The following FTO variants were observed in gnomAD, a reference collection of about 807,000 sequenced individuals.
The protein encoded by FTO is FTO alpha-ketoglutarate dependent dioxygenase, also known as alpha-ketoglutarate-dependent dioxygenase FTO.
FTO carries 47 observed loss-of-function variants against 63.9 expected under a neutral mutation model. That is an observed-to-expected ratio of 0.74 (90% CI 0.58 to 0.94). The LOEUF (loss-of-function observed/expected upper bound fraction) is 0.94. Ranked by LOEUF, FTO falls within the 40% of genes least tolerant of loss-of-function variation. The pLI is 0.00. For synonymous variants in FTO, 207 were observed against 224.4 expected (o/e 0.92, Z 0.69); for missense variants, 562 against 618.1 (o/e 0.91, Z 0.96).
At chr16:53,856,891 A>G (rs2080016519) in intron 4 of FTO, among the ~76,000 whole-genome samples, 1 of 152,208 alleles carries the variant, frequency 6.6e-6, no homozygotes, top group Non-Finnish European at 1.5e-5. Flanking sequence ...TTGGGGTAAC[A>G]ACCTCTTTTC....
chr16:53,827,136 G>A (rs1047087966), intron 3 of FTO, among the ~76,000 whole-genome samples: 1 of 152,046 alleles, frequency 6.6e-6, no homozygotes, highest in Non-Finnish European at 1.5e-5. Flanking sequence ...GACCTTGTTG[G>A]GTGGCTGTGG....
intron 3 of FTO, among the ~76,000 whole-genome samples, chr16:53,840,532 AGTACTTTTGGCTTT>A (rs1245534214): frequency 6.6e-6 from 1 of 152,236 alleles, no homozygotes; most frequent in Non-Finnish European, 1.5e-5. Context: ...GCCAGAAACA[AGTACTTTTGGCTTT>A]GTGGGTTTTA....
intron 1 of FTO, among the ~76,000 whole-genome samples, chr16:53,729,654 G>A (rs2076229989): frequency 6.6e-6 from 1 of 151,442 alleles, no homozygotes; most frequent in African/African-American, 2.4e-5. Context: ...TGGTAACCAC[G>A]CCCCCAACCC....
chr16:54,015,689 C>CCGT (rs1322967339), intron 8 of FTO, among the ~76,000 whole-genome samples: 1 of 152,178 alleles, frequency 6.6e-6, no homozygotes, highest in Non-Finnish European at 1.5e-5. Context: ...ATGCCAAATA[C>CCGT]CGTTGTACAT....
intron 8 of FTO, among the ~76,000 whole-genome samples, chr16:53,958,131 T>C (rs1451622544): frequency 6.6e-6 from 1 of 152,220 alleles, no homozygotes; most frequent in Non-Finnish European, 1.5e-5. Flanking sequence ...GGTCAATCCA[T>C]TCCTTGACTG....
At chr16:53,757,632 G>A (rs1324676417) in intron 1 of FTO, among the ~76,000 whole-genome samples, 1 of 151,980 alleles carries the variant, frequency 6.6e-6, no homozygotes, top group Non-Finnish European at 1.5e-5. Context: ...AAGAGCCACT[G>A]GGGCTTTTAT....
At chr16:53,808,570 A>G (rs1036051763) in intron 1 of FTO, among the ~76,000 whole-genome samples, 6 of 152,128 alleles carry the variant, frequency 3.9e-5, no homozygotes, top group African/African-American at 1.4e-4. Context: ...TTTGTGTTTT[A>G]CCCAAAAGGA....
intron 6 of FTO, among the ~76,000 whole-genome samples, chr16:53,883,636 C>CAAAAA (rs1202328126): frequency 8.3e-6 from 1 of 121,156 alleles, no homozygotes; most frequent in African/African-American, 3.2e-5. Flanking sequence ...AAAAAAAAAA[C>CAAAAA]AAAAAAAAAA....
chr16:53,843,754 T>G (rs1251368175), intron 3 of FTO, among the ~76,000 whole-genome samples: 1 of 152,186 alleles, frequency 6.6e-6, no homozygotes, highest in Non-Finnish European at 1.5e-5. Context: ...ATTTCTGTGA[T>G]GTTCAGTCTT....
At chr16:54,041,032 C>T (rs2085063692) in intron 8 of FTO, among the ~76,000 whole-genome samples, 2 of 152,096 alleles carry the variant, frequency 1.3e-5, no homozygotes, top group South Asian at 4.1e-4. Context: ...GCACTATTCT[C>T]CTTAAATTTA....
At chr16:53,944,052 C>T (rs958785293) in intron 8 of FTO, among the ~76,000 whole-genome samples, 1 of 152,122 alleles carries the variant, frequency 6.6e-6, no homozygotes, top group African/African-American at 2.4e-5. Context: ...GGGGGATTAC[C>T]TGTGATAATG....
chr16:53,909,058 T>A (rs1002977310), intron 7 of FTO, among the ~76,000 whole-genome samples: 1 of 152,206 alleles, frequency 6.6e-6, no homozygotes, highest in African/African-American at 2.4e-5. Context: ...ATATCCCTCT[T>A]GCTTTTCCTA....
chr16:53,749,013 G>T (rs142770164), intron 1 of FTO, among the ~76,000 whole-genome samples: 1 of 152,044 alleles, frequency 6.6e-6, no homozygotes, highest in African/African-American at 2.4e-5. Flanking sequence ...TGATCCACCC[G>T]CCTCGGCTTC....
intron 4 of FTO, among the ~76,000 whole-genome samples, chr16:53,853,905 C>T (rs2079893899): frequency 6.6e-6 from 1 of 152,128 alleles, no homozygotes; most frequent in South Asian, 2.1e-4. Flanking sequence ...ATACTGTTTT[C>T]CATGGAGGTT....
At chr16:53,737,982 T>C (rs567022835) in intron 1 of FTO, among the ~76,000 whole-genome samples, 5 of 151,962 alleles carry the variant, frequency 3.3e-5, no homozygotes, top group Non-Finnish European at 7.4e-5. Context: ...GAGACAAGGT[T>C]TCGCTCTGTC....
chr16:53,933,501 A>C (rs1316785695), intron 7 of FTO, among the ~76,000 whole-genome samples: 3 of 152,106 alleles, frequency 2.0e-5, no homozygotes, highest in African/African-American at 2.4e-5. Context: ...TTCTTCCCCC[A>C]CAAAACATTG....
chr16:53,950,175 A>AAAAAAAAAAAAAAAAAAAAG (rs2082754126), intron 8 of FTO, among the ~76,000 whole-genome samples: 1 of 142,894 alleles, frequency 7.0e-6, no homozygotes, highest in Non-Finnish European at 1.6e-5. Context: ...AAAAAAAAAA[A>AAAAAAAAAAAAAAAAAAAAG]AAAACTTAAT....
rs551753880 is a variant in FTO, at chr16:53,900,800, T to C, written c.1239+11849T>C. Among the ~76,000 whole-genome samples, 8 of 152,124 alleles carry C rather than the reference T, an allele frequency of 5.3e-5. No homozygotes were observed. The East Asian group carries it at 1.5e-3, about 29-fold the overall frequency. On this transcript the variant is annotated intron_variant, in intron 7 of 8. Coordinates refer to ENST00000471389, the MANE Select transcript of FTO (RefSeq NM_001080432.3). ...GATAGATGGAGATGGGTGGAGAATA[T>C]TCAAAGATGGCAGAAGCAGGGCCAT...
chr16:54,004,826 T>G (rs2084156958), intron 8 of FTO, among the ~76,000 whole-genome samples: 1 of 152,036 alleles, frequency 6.6e-6, no homozygotes, highest in Admixed American at 6.5e-5. Flanking sequence ...ATCCCAGTAC[T>G]TTGGGAGGCT....
Sources: gnomAD v4.1 joint callset for allele counts (sites outside exome capture counted in the v4.1 genomes callset) on GRCh38, gnomAD v4.1.1 for gene constraint, MANE v1.5 for transcripts, NCBI Gene and HGNC (gene_info 2026-07-23, HGNC 2026-07-21) for gene names.